The following AP3B1 variants were observed in gnomAD, a reference collection of about 807,000 sequenced individuals.
The protein encoded by AP3B1 is adaptor related protein complex 3 subunit beta 1, also known as AP-3 complex subunit beta-1.
In AP3B1, 61 loss-of-function variants were observed where a neutral mutation model predicts 132.5. That is an observed-to-expected ratio of 0.46 (90% confidence interval 0.37 to 0.57). AP3B1 has a LOEUF of 0.57. Ranked by LOEUF, AP3B1 falls within the 20% of genes least tolerant of loss-of-function variation. The pLI, the probability that AP3B1 is intolerant of heterozygous loss-of-function variation, is 0.00. For synonymous variants in AP3B1, 388 were observed against 438.3 expected (o/e 0.89, Z 1.43); for missense variants, 1,120 against 1,289.4 (o/e 0.87, Z 2.01).
chr5:78,213,587 G>C (rs1745840832), intron 7 of AP3B1, among the ~76,000 whole-genome samples: 1 of 152,076 alleles, frequency 6.6e-6, no homozygotes, highest in Admixed American at 6.6e-5. Context: ...CCCTCAAATA[G>C]CACTTACACA....
rs1177898178 is a variant in AP3B1 at position 78,040,311 on chromosome 5, A to C, written c.2578-1037T>G. Among the ~76,000 whole-genome samples the C allele has an allele frequency of 2.0e-5, 3 of 152,162 alleles. No individual in the cohort carries two copies. In the East Asian group the frequency reaches 5.8e-4, roughly 29 times the overall value. ...ATGAGCTAATGAATAGTCTTTTCTC[A>C]ATGATTTTAAATGCAAAAATTCTAA... is the stretch of plus-strand genomic sequence containing the variant. On this transcript the variant is annotated intron_variant, in intron 22 of 26. Transcript: ENST00000255194.
At chr5:78,247,021 T>C (rs1747405992) in intron 2 of AP3B1, among the ~76,000 whole-genome samples, 1 of 151,982 alleles carries the variant, frequency 6.6e-6, no homozygotes, top group South Asian at 2.1e-4. Context: ...GGTTTTTCAA[T>C]TTCATCCTAA....
intron 2 of AP3B1, among the ~76,000 whole-genome samples, chr5:78,259,309 T>C (rs1169951957): frequency 6.6e-6 from 1 of 151,464 alleles, no homozygotes; most frequent in African/African-American, 2.4e-5. Flanking sequence ...TTGTGGGGTC[T>C]AAAAATCAAA....
intron 22 of AP3B1, among the ~76,000 whole-genome samples, chr5:78,049,599 T>C (rs939021897): frequency 6.6e-6 from 1 of 152,178 alleles, no homozygotes; most frequent in Non-Finnish European, 1.5e-5. Context: ...GGAGTCATCA[T>C]GGATGAAAAC....
intron 6 of AP3B1, among the ~76,000 whole-genome samples, chr5:78,216,754 TCCACCGGTTTTTAC>T (rs1458575555): frequency 6.6e-6 from 1 of 152,098 alleles, no homozygotes; most frequent in African/African-American, 2.4e-5. Context: ...TACATCTTAA[TCCACCGGTTTTTAC>T]CCAATATAAT....
At chr5:78,096,802 C>T (rs534773078) in intron 21 of AP3B1, among the ~76,000 whole-genome samples, 2,329 of 150,812 alleles carry the variant, frequency 0.015, 59 homozygotes, top group African/African-American at 0.052. Flanking sequence ...AAGTGAGGAG[C>T]GTCTCCGCCC....
chr5:78,025,950 T>A (rs996717993), intron 24 of AP3B1, among the ~76,000 whole-genome samples: 18 of 152,218 alleles, frequency 1.2e-4, no homozygotes, highest in African/African-American at 4.3e-4. Flanking sequence ...ATTTCCTCTT[T>A]ATTTGGGGGA....
chr5:78,272,643 G>GA lies in AP3B1; in HGVS notation c.129-5049dup, dbSNP rs199604094. Among the ~76,000 whole-genome samples, 1,172 of 152,096 alleles carry GA rather than the reference G, an allele frequency of 7.7e-3. 15 individuals are homozygous for GA. The highest frequency in any genetic ancestry group is 9.4e-3 in the Non-Finnish European group (639 of 67,972). ...TTTTAAGTCGTAAGGTGATATGGGG[G>GA]AAAAAAACAGAGGAAAAGGATACAG... On this transcript the variant is annotated intron_variant, in intron 1 of 26. Coordinates refer to ENST00000255194, the MANE Select transcript of AP3B1 (RefSeq NM_003664.5).
chr5:78,190,180 C>A (rs1744771178), intron 7 of AP3B1, among the ~76,000 whole-genome samples: 1 of 151,978 alleles, frequency 6.6e-6, no homozygotes, highest in African/African-American at 2.4e-5. Flanking sequence ...TTGCTTATAG[C>A]TAAAATAGTT....
chr5:78,152,976 T>C (rs1238250843), intron 14 of AP3B1, among the ~76,000 whole-genome samples: 2 of 152,250 alleles, frequency 1.3e-5, no homozygotes, highest in Non-Finnish European at 2.9e-5. Context: ...TCCTTAAGAA[T>C]GATCCATGTG....
At chr5:78,157,896 G>A (rs763716382) in intron 13 of AP3B1, among the ~76,000 whole-genome samples, 46 of 151,884 alleles carry the variant, frequency 3.0e-4, no homozygotes, top group Non-Finnish European at 4.0e-4. Context: ...ATTTACAGGC[G>A]CGCGCCACCA....
chr5:78,010,558 C>A (rs1746578973), intron 26 of AP3B1, among the ~76,000 whole-genome samples: 1 of 152,148 alleles, frequency 6.6e-6, no homozygotes, highest in African/African-American at 2.4e-5. Flanking sequence ...AGAGGACATG[C>A]AATGTAACAA....
chr5:78,257,840 A>C (rs1747913241), intron 2 of AP3B1, among the ~76,000 whole-genome samples: 1 of 151,494 alleles, frequency 6.6e-6, no homozygotes, highest in Admixed American at 6.5e-5. Context: ...AATGGAACAG[A>C]ATAGAGAACC....
intron 3 of AP3B1, among the ~76,000 whole-genome samples, chr5:78,239,646 G>GT (rs1561495547): frequency 6.6e-6 from 1 of 151,658 alleles, no homozygotes; most frequent in East Asian, 1.9e-4. Context: ...AAGCATGGTT[G>GT]TAAGCGCCTG....
At chr5:78,081,975 A>G (rs1260872612) in intron 22 of AP3B1, among the ~76,000 whole-genome samples, 2 of 152,088 alleles carry the variant, frequency 1.3e-5, no homozygotes, top group Admixed American at 6.6e-5. Flanking sequence ...CCTGATTTAG[A>G]TATGCCCAGT....
chr5:78,141,365 C>G (rs771276691), intron 14 of AP3B1, 46 bp from the exon 15 acceptor site: 30 of 1,474,394 alleles, frequency 2.0e-5, no homozygotes, highest in Non-Finnish European at 2.7e-5. Context: ...GTTAATCATA[C>G]TCTAATATTA....
In AP3B1 at chr5:78,156,512, G is replaced by A. The variant is rs182553727; in HGVS notation, c.1364-145C>T. 440 of 661,850 alleles carry A rather than the reference G, an allele frequency of 6.6e-4. 4 individuals carry two copies. The South Asian group carries it at 7.0e-3, about 10-fold the overall frequency. 41.0% of individuals were successfully genotyped at this position (661,850 alleles called of 1,614,324 possible). On this transcript the variant is annotated intron_variant, in intron 13 of 26. Coordinates refer to ENST00000255194, the MANE Select transcript of AP3B1 (RefSeq NM_003664.5). ...TATGTGAAAGCATAACCATGAGTGC[G>A]CTTCCAAATTTGAGGTGTGAACAAC...
At chr5:78,232,893 G>A (rs1285113222) in intron 3 of AP3B1, among the ~76,000 whole-genome samples, 1 of 151,980 alleles carries the variant, frequency 6.6e-6, no homozygotes, top group Non-Finnish European at 1.5e-5. Context: ...TTTTAGTAGA[G>A]ACAGGGTTTT....
chr5:78,082,289 C>T (rs1750047992), intron 22 of AP3B1, among the ~76,000 whole-genome samples: 1 of 152,162 alleles, frequency 6.6e-6, no homozygotes, highest in South Asian at 2.1e-4. Context: ...AGGCCAAGAT[C>T]CTCAAATCTG....
Sources: gnomAD v4.1 joint callset for allele counts (sites outside exome capture counted in the v4.1 genomes callset) on GRCh38, gnomAD v4.1.1 for gene constraint, MANE v1.5 for transcripts, NCBI Gene and HGNC (gene_info 2026-07-23, HGNC 2026-07-21) for gene names.